Variants in ARID5B observed in about 807,000 individuals in gnomAD.
ARID5B encodes AT-rich interaction domain 5B.
In ARID5B, 13 loss-of-function variants were observed where a neutral mutation model predicts 97.2. The observed-to-expected ratio is 0.13, with a 90% CI of 0.09 to 0.21. The LOEUF is 0.21. Among genes scored for constraint, ARID5B ranks in the 10% least tolerant of loss-of-function variants. The probability of loss-of-function intolerance (pLI) is 1.00; values close to 1 mark genes in which losing one functional copy is unlikely to be tolerated. For synonymous variants in ARID5B, 556 were observed against 570.3 expected (o/e 0.97, Z 0.36); for missense variants, 1,210 against 1,465.3 (o/e 0.83, Z 2.84).
intron 4 of ARID5B, among the ~76,000 whole-genome samples, chr10:62,023,312 C>T (rs900930675): frequency 2.0e-5 from 3 of 152,198 alleles, no homozygotes; most frequent in Non-Finnish European, 4.4e-5. Context: ...CCCCATATTG[C>T]CTCCTTTGGC....
intron 2 of ARID5B, among the ~76,000 whole-genome samples, chr10:61,931,203 T>A (rs546224551): frequency 6.6e-6 from 1 of 152,348 alleles, no homozygotes; most frequent in African/African-American, 2.4e-5. Context: ...CAAGGAGCTT[T>A]TGTTTATGTA....
chr10:61,906,782 T>C (rs576991643), intron 2 of ARID5B, among the ~76,000 whole-genome samples: 2 of 152,234 alleles, frequency 1.3e-5, no homozygotes, highest in Non-Finnish European at 2.9e-5. Context: ...GGAGTCTGAA[T>C]TTTAAATATT....
chr10:62,080,197 G>A, intron 8 of ARID5B, among the ~76,000 whole-genome samples: 1 of 152,122 alleles, frequency 6.6e-6, no homozygotes, highest in African/African-American at 2.4e-5. Flanking sequence ...AGGTGACACT[G>A]GAGGCCTCTT....
Position 61,917,441 on chromosome 10 carries a change from C to A in ARID5B, c.276+15028C>A, listed in dbSNP as rs114894759. 9.2e-3 allele frequency among the ~76,000 whole-genome samples: 1,398 copies of A among 152,200 alleles called. 20 individuals are homozygous for A. Among genetic ancestry groups the A allele is most frequent in the African/African-American group, 0.031 (1,305 of 41,548 alleles). On this transcript the variant is annotated intron_variant, in intron 2 of 9. Transcript: ENST00000279873. The stretch of plus-strand genomic sequence containing the variant: ...TCCTGGGTTCAAGTGATTCTCTCTA[C>A]GTCAGCCCCGCTGAGTAGCTGGGAT...
intron 2 of ARID5B, among the ~76,000 whole-genome samples, chr10:61,903,377 C>A (rs978420671): frequency 3.3e-5 from 5 of 152,234 alleles, no homozygotes; most frequent in Admixed American, 2.6e-4. Flanking sequence ...GGCGCCGGGG[C>A]GGCCGCCTCC....
chr10:61,965,364 G>C (rs1345270146), intron 3 of ARID5B, among the ~76,000 whole-genome samples: 1 of 152,102 alleles, frequency 6.6e-6, no homozygotes, highest in African/African-American at 2.4e-5. Context: ...ATGTATACTA[G>C]TTTTAACTCT....
Position 62,093,373 on chromosome 10 carries a change from G to A in ARID5B, c.*343G>A, listed in dbSNP as rs1840415616. 3.6e-6 allele frequency: 1 copy of A among 275,176 alleles called. No individual in the cohort carries two copies. The highest frequency in any genetic ancestry group is 6.8e-6 in the Non-Finnish European group (1 of 146,058). The allele number at this position is 275,176 out of a possible 1,614,324, so 17.0% of individuals were successfully genotyped here. A position where few individuals can be genotyped will look rare whatever the true frequency, so the allele number is the denominator to read the frequency against. ...GTTCGGATGGTCAGGAAACAATCTGGGCAAAAAAGAGGCAGGCATTTCAAA... is the reference window on the plus strand; with the variant it reads ...GTTCGGATGGTCAGGAAACAATCTGAGCAAAAAAGAGGCAGGCATTTCAAA... On this transcript the variant is annotated 3_prime_UTR_variant, in exon 10 of 10. Transcript: ENST00000279873.
intron 4 of ARID5B, among the ~76,000 whole-genome samples, chr10:62,042,552 G>A (rs1009607690): frequency 6.6e-6 from 1 of 152,120 alleles, no homozygotes; most frequent in South Asian, 2.1e-4. Flanking sequence ...TAGCACCACC[G>A]CCACACCCTT....
At chr10:61,967,141 A>C (rs1410453310) in intron 3 of ARID5B, among the ~76,000 whole-genome samples, 1 of 152,164 alleles carries the variant, frequency 6.6e-6, no homozygotes, top group African/African-American at 2.4e-5. Context: ...ACTCACATAC[A>C]TTTGGATTAT....
At chr10:61,901,996 G>A (rs1441642792) in intron 1 of ARID5B, among the ~76,000 whole-genome samples, 163 bp from the exon 2 acceptor site, 1 of 147,368 alleles carries the variant, frequency 6.8e-6, no homozygotes. Flanking sequence ...TTTTTTTAGG[G>A]AAGCAGAAAA....
At chr10:62,043,382 C>A (rs1030276928) in intron 4 of ARID5B, among the ~76,000 whole-genome samples, 2 of 152,206 alleles carry the variant, frequency 1.3e-5, no homozygotes, top group African/African-American at 4.8e-5. Flanking sequence ...ATACAGACTT[C>A]TAGAACATTT....
chr10:61,907,863 C>G (rs778190166), intron 2 of ARID5B, among the ~76,000 whole-genome samples: 1 of 152,220 alleles, frequency 6.6e-6, no homozygotes, highest in Non-Finnish European at 1.5e-5. Context: ...GTTACCAGAT[C>G]GCTGACAAAG....
At chr10:61,930,159 GTA>G (rs1354509935) in intron 2 of ARID5B, among the ~76,000 whole-genome samples, 1 of 152,220 alleles carries the variant, frequency 6.6e-6, no homozygotes, top group Non-Finnish European at 1.5e-5. Context: ...TTGCATCTAA[GTA>G]TATGTTTCAT....
rs199685713 is a variant in ARID5B at position 62,092,654 on chromosome 10, G to A, written c.3191G>A (p.Gly1064Asp). The change falls in exon 10 of 10, where the codon GGC becomes GAC. Residue 1064 changes from glycine to aspartate, a missense_variant. Transcript: ENST00000279873. ...GCAGCGCACGGTGGGCATTCCGGGG[G>A]CGGATCAGAAGGCCACAAGCTTCCC... Reference protein sequence around the residue: ...SKAAHGGHSGGGSEGHKLPLS... With the variant: ...SKAAHGGHSGDGSEGHKLPLS... 5 of 1,614,090 alleles carry A rather than the reference G, an allele frequency of 3.1e-6. No homozygotes were observed. The African/African-American group carries it at 4.0e-5, about 13-fold the overall frequency.
At chr10:61,934,432 G>A (rs1218857949) in intron 2 of ARID5B, among the ~76,000 whole-genome samples, 1 of 152,132 alleles carries the variant, frequency 6.6e-6, no homozygotes, top group African/African-American at 2.4e-5. Context: ...CCTCTCTTGG[G>A]TTTTGACATG....
In ARID5B at chr10:61,933,273, C is replaced by A. The variant is rs141188174; in HGVS notation, c.277-6910C>A. On this transcript the variant is annotated intron_variant, in intron 2 of 9. Transcript: ENST00000279873. ...ATTCTAGTTATCTTATTGTTTCCAC[C>A]ACCTCTGCAGTTACTTCTTCCACTG... 2.3e-3 allele frequency among the ~76,000 whole-genome samples: 343 copies of A among 152,256 alleles called. 4 individuals carry two copies. Among genetic ancestry groups the A allele is most frequent in the African/African-American group, 7.8e-3 (326 of 41,550 alleles).
In ARID5B at chr10:62,037,461, G is replaced by A. The variant is rs75176560; in HGVS notation, c.734-13427G>A. On this transcript the variant is annotated intron_variant, in intron 4 of 9. Transcript: ENST00000279873. Reference sequence around the variant, plus strand: ...TTCAGTTTTCCCATCTGCGAAATCGGCATAAGATGCCTTGCTCCACAGAAA... The same window carrying A: ...TTCAGTTTTCCCATCTGCGAAATCGACATAAGATGCCTTGCTCCACAGAAA... Among the ~76,000 whole-genome samples, 716 of 152,268 alleles carry A rather than the reference G, an allele frequency of 4.7e-3. 8 individuals carry two copies. The highest frequency in any genetic ancestry group is 0.016 in the African/African-American group (685 of 41,550).
At chr10:61,990,979 A>T (rs761590171) in intron 3 of ARID5B, among the ~76,000 whole-genome samples, 2 of 150,210 alleles carry the variant, frequency 1.3e-5, no homozygotes, top group Non-Finnish European at 3.0e-5. Context: ...TCTATGAGTC[A>T]CCCTGTTTTG....
chr10:61,999,223 C>T (rs189533862), intron 3 of ARID5B, among the ~76,000 whole-genome samples: 110 of 152,298 alleles, frequency 7.2e-4, no homozygotes, highest in African/African-American at 2.5e-3. Context: ...ATTTTAGACC[C>T]ATGGACATCT....
Sources: gnomAD v4.1 joint callset for allele counts (sites outside exome capture counted in the v4.1 genomes callset) on GRCh38, gnomAD v4.1.1 for gene constraint, MANE v1.5 for transcripts, NCBI Gene and HGNC (gene_info 2026-07-23, HGNC 2026-07-21) for gene names.